The following SLC30A6 variants were observed in gnomAD, a reference collection of about 807,000 sequenced individuals.
The protein encoded by SLC30A6 is solute carrier family 30 member 6.
Under a neutral mutation model 63.0 loss-of-function variants are expected in SLC30A6, and 55 were observed. The ratio of observed to expected loss-of-function variants is 0.87; its 90% CI spans 0.70 to 1.09. The LOEUF is 1.09. Among genes scored for constraint, SLC30A6 ranks in the 50% least tolerant of loss-of-function variants. The pLI is 0.00. For missense variants in SLC30A6, 587 were observed against 549.2 expected, an observed-to-expected ratio of 1.07 and a Z score of -0.69; for synonymous variants, 224 against 186.1, an observed-to-expected ratio of 1.20 and a Z score of -1.66.
rs1686298902 is a variant in SLC30A6, at chr2:32,224,258, C to G, written c.*3545C>G. 4.1e-6 allele frequency: 2 copies of G among 490,278 alleles called. No homozygotes were observed. The allele number at this position is 490,278 out of a possible 1,614,324, so 30.4% of individuals were successfully genotyped here. ...GTATACCAGTTGGTGTGACCCAGAC[C>G]AAAGGTAACACAAAGATGAATGAGA... On this transcript the variant is annotated 3_prime_UTR_variant, in exon 14 of 14. Transcript: ENST00000282587.
At chr2:32,167,954 G>C (rs1197372245) in intron 1 of SLC30A6, among the ~76,000 whole-genome samples, 1 of 152,152 alleles carries the variant, frequency 6.6e-6, no homozygotes, top group East Asian at 1.9e-4. Flanking sequence ...TAGACTGTAA[G>C]CTCATTGAGA....
At position 32,220,805 on chromosome 2, in the gene SLC30A6, C is replaced by G; in HGVS notation, c.*92C>G. Reference sequence around the variant, plus strand: ...TTTGCATTGACTGTTTAATCATTTACTCTAAATGTTAGATAATAGTAGTCT... The same window carrying G: ...TTTGCATTGACTGTTTAATCATTTAGTCTAAATGTTAGATAATAGTAGTCT... On this transcript the variant is annotated 3_prime_UTR_variant, in exon 14 of 14. Coordinates refer to ENST00000282587, the MANE Select transcript of SLC30A6 (RefSeq NM_017964.5). 1 of 1,138,502 alleles carries G rather than the reference C, an allele frequency of 8.8e-7. No individual in the cohort carries two copies. Among genetic ancestry groups the G allele is most frequent in the Non-Finnish European group, 1.2e-6 (1 of 806,364 alleles). 70.5% of individuals were successfully genotyped at this position (1,138,502 alleles called of 1,614,324 possible).
intron 10 of SLC30A6, chr2:32,204,048 T>A (rs1234521593): frequency 1.7e-6 from 1 of 603,786 alleles, no homozygotes; most frequent in Non-Finnish European, 3.0e-6. Flanking sequence ...TTCTGCCTAA[T>A]CATGTATATT....
At chr2:32,170,403 C>T (rs143547393) in intron 1 of SLC30A6, among the ~76,000 whole-genome samples, 1 of 152,108 alleles carries the variant, frequency 6.6e-6, no homozygotes, top group Admixed American at 6.6e-5. Flanking sequence ...CTAAGGCTTT[C>T]CCATGTGATT....
At chr2:32,167,508 C>A (rs1276190809) in intron 1 of SLC30A6, among the ~76,000 whole-genome samples, 8 of 151,944 alleles carry the variant, frequency 5.3e-5, no homozygotes, top group Non-Finnish European at 1.2e-4. Context: ...CTCTTCCATC[C>A]CCAGAATTGT....
intron 10 of SLC30A6, chr2:32,202,114 G>T: frequency 1.3e-6 from 1 of 745,014 alleles, no homozygotes; most frequent in Non-Finnish European, 2.2e-6. Flanking sequence ...TGAACAGAAA[G>T]AAGGAACCTT....
Position 32,200,845 on chromosome 2 carries a change from T to A in SLC30A6, c.665+3019T>A, listed in dbSNP as rs577451875. ...GAATGATCAATAAAGAAAAAAATAATAATAATAATAATAAAACCCTCCCCT... is the reference window on the plus strand; with the variant it reads ...GAATGATCAATAAAGAAAAAAATAAAAATAATAATAATAAAACCCTCCCCT... On this transcript the variant is annotated intron_variant, in intron 10 of 13. Coordinates refer to ENST00000282587, the MANE Select transcript of SLC30A6 (RefSeq NM_017964.5). Among the ~76,000 whole-genome samples the A allele has an allele frequency of 7.8e-3, 1,160 of 148,288 alleles. 5 individuals are homozygous for A. Among genetic ancestry groups the A allele is most frequent in the Admixed American group, 0.011 (167 of 14,944 alleles).
intron 10 of SLC30A6, chr2:32,202,328 G>A: frequency 2.5e-6 from 1 of 396,922 alleles, no homozygotes; most frequent in Non-Finnish European, 4.8e-6. Context: ...TCAAGAAACA[G>A]TTTTTTGTTT....
chr2:32,207,989 G>C (rs212684), intron 12 of SLC30A6, among the ~76,000 whole-genome samples: 108,880 of 151,080 alleles, frequency 0.72, 39,424 homozygotes, highest in African/African-American at 0.76. Context: ...TGAGCCACCA[G>C]GCCCGGCCTA....
intron 5 of SLC30A6, among the ~76,000 whole-genome samples, chr2:32,188,087 C>T (rs1175675675): frequency 6.6e-6 from 1 of 152,128 alleles, no homozygotes; most frequent in African/African-American, 2.4e-5. Flanking sequence ...GCCTACTTTT[C>T]TTCAACTTAA....
intron 5 of SLC30A6, among the ~76,000 whole-genome samples, chr2:32,186,691 C>CA (rs771911767): frequency 0.029 from 3,952 of 136,190 alleles, 66 homozygotes; most frequent in Middle Eastern, 0.053. Context: ...GACTCTGTCT[C>CA]AAAAAAAAAA....
At chr2:32,197,431 A>C (rs746872673) in intron 9 of SLC30A6, 39 bp downstream of exon 9, 1 of 1,561,422 alleles carries the variant, frequency 6.4e-7, no homozygotes, top group South Asian at 1.1e-5. Context: ...CATAATTTAA[A>C]GGAATACACA....
chr2:32,178,763 G>GT (rs1355086984), intron 4 of SLC30A6, among the ~76,000 whole-genome samples: 2 of 152,236 alleles, frequency 1.3e-5, no homozygotes, highest in Non-Finnish European at 2.9e-5. Flanking sequence ...CCATTGATCT[G>GT]TATGTCTGTC....
chr2:32,212,583 CTTTTT>C (rs1193348947), intron 13 of SLC30A6, among the ~76,000 whole-genome samples: 4 of 83,022 alleles, frequency 4.8e-5, no homozygotes, highest in African/African-American at 1.5e-4. Flanking sequence ...CCATTTTTAC[CTTTTT>C]TTTTTTTTTT....
Position 32,192,382 on chromosome 2 carries a change from G to A in SLC30A6, c.331G>A (p.Ala111Thr), listed in dbSNP as rs758252953. 6.2e-7 allele frequency: 1 copy of A among 1,613,902 alleles called. No homozygotes were observed. Among genetic ancestry groups the A allele is most frequent in the Admixed American group, 1.7e-5 (1 of 60,004 alleles). The change falls in exon 6 of 14, where the codon GCA (alanine) becomes ACA (threonine). Residue 111 changes from alanine (A) to threonine (T), a missense_variant. Ala to Thr is a moderately conservative substitution (Grantham distance 58, BLOSUM62 0). Coordinates refer to ENST00000282587, the MANE Select transcript of SLC30A6 (RefSeq NM_017964.5). ...VLAVFASTVL[A>T]QLGALFILKE... ...GGCTGTATTTGCCTCCACAGTCTTGGCACAGTTGGGAGCTCTCTTTATATT... is the reference window on the plus strand; with the variant it reads ...GGCTGTATTTGCCTCCACAGTCTTGACACAGTTGGGAGCTCTCTTTATATT...
At chr2:32,171,698 T>G (rs1681228908) in intron 2 of SLC30A6, among the ~76,000 whole-genome samples, 1 of 35,588 alleles carries the variant, frequency 2.8e-5, no homozygotes, top group Non-Finnish European at 5.8e-5. Flanking sequence ...TTTTATTTAT[T>G]TTTTTTTTTT....
At chr2:32,200,166 C>G (rs1398943535) in intron 10 of SLC30A6, among the ~76,000 whole-genome samples, 4 of 152,016 alleles carry the variant, frequency 2.6e-5, no homozygotes, top group African/African-American at 9.7e-5. Context: ...CTTTCCCATT[C>G]TCATTGCTGC....
At chr2:32,204,944 A>G (rs959286645) in intron 11 of SLC30A6, among the ~76,000 whole-genome samples, 2 of 151,684 alleles carry the variant, frequency 1.3e-5, no homozygotes, top group Middle Eastern at 3.4e-3. Flanking sequence ...CTCCTGAGTA[A>G]CAAACTACAG....
chr2:32,169,244 C>G (rs1350057638), intron 1 of SLC30A6, among the ~76,000 whole-genome samples: 1 of 152,142 alleles, frequency 6.6e-6, no homozygotes, highest in Non-Finnish European at 1.5e-5. Context: ...GTGAACCTGG[C>G]TCACTGCTTG....
Sources: gnomAD v4.1 joint callset for allele counts (sites outside exome capture counted in the v4.1 genomes callset) on GRCh38, gnomAD v4.1.1 for gene constraint, MANE v1.5 for transcripts, NCBI Gene and HGNC (gene_info 2026-07-23, HGNC 2026-07-21) for gene names.